GRK3: variants seen among roughly 807,000 people sequenced by gnomAD.
The protein encoded by GRK3 is adrenergic, beta, receptor kinase 2.
Under a neutral mutation model 95.7 loss-of-function variants are expected in GRK3, and 54 were observed. The ratio of observed to expected loss-of-function variants is 0.56; its 90% CI spans 0.45 to 0.71. The LOEUF is 0.71. Among genes scored for constraint, GRK3 ranks in the 30% least tolerant of loss-of-function variants. The pLI, the probability that GRK3 is intolerant of heterozygous loss-of-function variation, is 0.00. For missense variants in GRK3, 649 were observed against 851.2 expected, an observed-to-expected ratio of 0.76 and a Z score of 2.96; for synonymous variants, 281 against 290.8, an observed-to-expected ratio of 0.97 and a Z score of 0.34.
At chr22:25,583,668 C>T (rs960173224) in intron 1 of GRK3, among the ~76,000 whole-genome samples, 3 of 152,090 alleles carry the variant, frequency 2.0e-5, no homozygotes, top group African/African-American at 4.8e-5. Context: ...GGATGCAGCA[C>T]CTATCTTTTG....
At chr22:25,594,305 T>C (rs1220779325) in intron 1 of GRK3, among the ~76,000 whole-genome samples, 1 of 152,186 alleles carries the variant, frequency 6.6e-6, no homozygotes. Flanking sequence ...GTAGTTCTAC[T>C]GGTAGAAAAA....
intron 13 of GRK3, among the ~76,000 whole-genome samples, chr22:25,699,694 C>CTTTTTTTTTTTT (rs1157678995): frequency 7.2e-6 from 1 of 139,180 alleles, no homozygotes; most frequent in African/African-American, 2.7e-5. Context: ...CTTTTCTTTT[C>CTTTTTTTTTTTT]TTTTCTTTTT....
chr22:25,655,579 T>TTGTGTG (rs1450153573), intron 3 of GRK3, among the ~76,000 whole-genome samples: 1 of 152,074 alleles, frequency 6.6e-6, no homozygotes, highest in East Asian at 1.9e-4. Flanking sequence ...TGCCTGCTGC[T>TTGTGTG]TGTGTGTGTG....
chr22:25,665,253 C>T (rs1369065992), intron 5 of GRK3, among the ~76,000 whole-genome samples: 3 of 152,226 alleles, frequency 2.0e-5, no homozygotes, highest in Admixed American at 6.5e-5. Flanking sequence ...TCAGAAAGTA[C>T]AGTGTCAATA....
At chr22:25,684,309 T>G (rs1050453980) in intron 9 of GRK3, among the ~76,000 whole-genome samples, 2 of 152,242 alleles carry the variant, frequency 1.3e-5, no homozygotes, top group African/African-American at 4.8e-5. Flanking sequence ...GCTTTGTTTG[T>G]ATTCAAGAAT....
chr22:25,647,312 GA>G, intron 3 of GRK3: 1 of 1,216,270 alleles, frequency 8.2e-7, no homozygotes, highest in Non-Finnish European at 1.2e-6. Context: ...TTAAATACCT[GA>G]AAATACTCCA....
rs139779387 is a variant in GRK3, at chr22:25,585,116, T to TGTA, written c.114-19259_114-19257dup. ...CCACAGCTTTCCCTCATCCTGGGCTTGTAGAACAGCTCTGCCTGCCTCGCT... is the reference window on the plus strand; with the variant it reads ...CCACAGCTTTCCCTCATCCTGGGCTTGTAGTAGAACAGCTCTGCCTGCCTCGCT... On this transcript the variant is annotated intron_variant, in intron 1 of 20. Transcript: ENST00000324198. Among the ~76,000 whole-genome samples, 984 of 152,268 alleles carry TGTA rather than the reference T, an allele frequency of 6.5e-3. 1 individual carries two copies. Among genetic ancestry groups the TGTA allele is most frequent in the African/African-American group, 0.022 (930 of 41,462 alleles).
chr22:25,625,561 C>T (rs2084621332), intron 2 of GRK3, among the ~76,000 whole-genome samples: 1 of 152,146 alleles, frequency 6.6e-6, no homozygotes, highest in Non-Finnish European at 1.5e-5. Flanking sequence ...AAGGGAGTCT[C>T]CCTTCCCCCG....
chr22:25,700,745 T>G (rs1333295369), intron 13 of GRK3, among the ~76,000 whole-genome samples: 1 of 152,012 alleles, frequency 6.6e-6, no homozygotes, highest in African/African-American at 2.4e-5. Flanking sequence ...CCGCCACCAC[T>G]CCCGGCTAAT....
chr22:25,623,653 C>T (rs1430563718), intron 2 of GRK3, among the ~76,000 whole-genome samples: 1 of 152,220 alleles, frequency 6.6e-6, no homozygotes, highest in African/African-American at 2.4e-5. Flanking sequence ...TGCACACGCA[C>T]ATATGCACAT....
At chr22:25,712,964 CA>C (rs756424528) in intron 17 of GRK3, among the ~76,000 whole-genome samples, 38 of 152,218 alleles carry the variant, frequency 2.5e-4, no homozygotes, top group Non-Finnish European at 4.6e-4. Flanking sequence ...CTTTTAAAAA[CA>C]GCCTAAATAA....
At chr22:25,603,766 A>T (rs2146339692) in intron 1 of GRK3, among the ~76,000 whole-genome samples, 1 of 152,298 alleles carries the variant, frequency 6.6e-6, no homozygotes, top group East Asian at 1.9e-4. Flanking sequence ...ATTTATTTAG[A>T]TCCTCTTTAA....
At chr22:25,565,495 C>T (rs1931441775) in intron 1 of GRK3, among the ~76,000 whole-genome samples, 1 of 152,154 alleles carries the variant, frequency 6.6e-6, no homozygotes, top group African/African-American at 2.4e-5. Flanking sequence ...TGTCCCATCC[C>T]CGTGGTTCTT....
intron 6 of GRK3, among the ~76,000 whole-genome samples, chr22:25,669,576 CATT>C (rs1393293840): frequency 3.9e-5 from 6 of 152,228 alleles, no homozygotes; most frequent in African/African-American, 9.6e-5. Context: ...GAAGCCCTAT[CATT>C]GTCTGGGCTC....
chr22:25,724,584 C>G lies in GRK3; in HGVS notation c.*2134C>G, dbSNP rs777094933. ...TCAAACAAAAGTGTAAACTTTTACA[C>G]TTCCCCAACTCACATTTGATTTGTA... On this transcript the variant is annotated 3_prime_UTR_variant, in exon 21 of 21. Coordinates refer to ENST00000324198, the MANE Select transcript of GRK3 (RefSeq NM_005160.4). 1 of 152,220 alleles carries G rather than the reference C, an allele frequency of 6.6e-6. No homozygotes were observed. The highest frequency in any genetic ancestry group is 6.5e-5 in the Admixed American group (1 of 15,288). 9.4% of individuals were successfully genotyped at this position (152,220 alleles called of 1,614,324 possible). A position where few individuals can be genotyped will look rare whatever the true frequency, so the allele number is the denominator to read the frequency against.
intron 2 of GRK3, among the ~76,000 whole-genome samples, chr22:25,620,306 T>G (rs1428314685): frequency 6.6e-6 from 1 of 152,084 alleles, no homozygotes; most frequent in Non-Finnish European, 1.5e-5. Context: ...ACCCTAGCCT[T>G]TTAATATGCA....
At chr22:25,601,828 A>G (rs2084411274) in intron 1 of GRK3, among the ~76,000 whole-genome samples, 1 of 152,236 alleles carries the variant, frequency 6.6e-6, no homozygotes, top group Non-Finnish European at 1.5e-5. Flanking sequence ...ACAAAAATTA[A>G]CCTGAAATGG....
At chr22:25,666,572 C>T (rs2084942984) in intron 5 of GRK3, among the ~76,000 whole-genome samples, 6 of 152,092 alleles carry the variant, frequency 3.9e-5, no homozygotes, top group Admixed American at 3.3e-4. Context: ...GACTGGCTCA[C>T]CCCCCACCAC....
chr22:25,573,694 T>C (rs1485443145), intron 1 of GRK3, among the ~76,000 whole-genome samples: 1 of 149,728 alleles, frequency 6.7e-6, no homozygotes, highest in Non-Finnish European at 1.5e-5. Context: ...AGGTCAGGAG[T>C]TCAAGATCAG....
Sources: gnomAD v4.1 joint callset for allele counts (sites outside exome capture counted in the v4.1 genomes callset) on GRCh38, gnomAD v4.1.1 for gene constraint, MANE v1.5 for transcripts, NCBI Gene and HGNC (gene_info 2026-07-23, HGNC 2026-07-21) for gene names.